RNF212: variants seen among roughly 807,000 people sequenced by gnomAD.
RNF212 encodes the protein probable E3 SUMO-protein ligase RNF212.
RNF212 carries 33 observed loss-of-function variants against 34.7 expected under a neutral mutation model. That is an observed-to-expected ratio of 0.95 (90% CI 0.72 to 1.27). The LOEUF is 1.27. RNF212 is among the 50% of genes most tolerant of loss of function. The pLI is 0.00. For synonymous variants in RNF212, 140 were observed against 136.1 expected, an observed-to-expected ratio of 1.03 and a Z score of -0.20; for missense variants, 377 against 362.2, an observed-to-expected ratio of 1.04 and a Z score of -0.33.
chr4:1,065,147 T>C (rs962316259), intron 3 of RNF212, among the ~76,000 whole-genome samples: 1 of 152,208 alleles, frequency 6.6e-6, no homozygotes, highest in African/African-American at 2.4e-5. Context: ...TCCTTTTGAG[T>C]ACTGAATTGA....
At chr4:1,056,852 T>TG in intron 4 of RNF212, 1 of 987,928 alleles carries the variant, frequency 1.0e-6, no homozygotes, top group Non-Finnish European at 1.2e-6. Context: ...ACACTGCCTC[T>TG]GCAGCAGGCT....
chr4:1,092,821 G>T (rs982093793), intron 3 of RNF212, among the ~76,000 whole-genome samples: 1 of 152,240 alleles, frequency 6.6e-6, no homozygotes, highest in Non-Finnish European at 1.5e-5. Context: ...GAGAGTCAAG[G>T]CAGTCGGGGG....
Position 1,073,005 on chromosome 4 carries a change from T to C in RNF212, c.763A>G (p.Ile255Val), listed in dbSNP as rs1373972385. The change falls in exon 10 of 10, where the codon ATA becomes GTA. Residue 255 changes from isoleucine (I) to valine (V), a missense_variant. By Grantham distance (29) the Ile-to-Val change is conservative (BLOSUM62 3). Coordinates refer to ENST00000433731, the MANE Select transcript of RNF212 (RefSeq NM_001131034.4). Reference sequence around the variant, plus strand: ...ACGGCCCTTTGTACCTCAGCATATATTGGAAGTGTTTTAGAGTTGGTGAGT... The same window carrying C: ...ACGGCCCTTTGTACCTCAGCATATACTGGAAGTGTTTTAGAGTTGGTGAGT... Reference protein sequence around the residue: ...GELTNSKTLPIYAEVQRAVLF... With the variant: ...GELTNSKTLPVYAEVQRAVLF... 1.2e-6 allele frequency: 2 copies of C among 1,614,136 alleles called. No individual in the cohort carries two copies. The highest frequency in any genetic ancestry group is 1.7e-5 in the Admixed American group (1 of 60,016).
chr4:1,073,802 A>G, intron 8 of RNF212, 140 bp from the exon 9 acceptor site: 1 of 667,204 alleles, frequency 1.5e-6, no homozygotes, highest in South Asian at 1.7e-5. Context: ...GTTCCTGTCT[A>G]ACTTGATTCT....
rs371784705 is a variant in RNF212, at chr4:1,086,142, T to C, written c.304-188A>G. Among the ~76,000 whole-genome samples, 73 of 152,292 alleles carry C rather than the reference T, an allele frequency of 4.8e-4. 1 individual carries two copies. In the South Asian group the frequency reaches 0.011, roughly 23 times the overall value. On this transcript the variant is annotated intron_variant, in intron 4 of 9. Transcript: ENST00000433731. ...CTTAGGAAATCGGCCTTGGGGGCCA[T>C]GCAGAGCGAAGTCAAACCCAAGCCC...
intron 4 of RNF212, among the ~76,000 whole-genome samples, chr4:1,089,016 A>G (rs1256897241): frequency 6.6e-6 from 1 of 152,212 alleles, no homozygotes; most frequent in Non-Finnish European, 1.5e-5. Context: ...CAGAAGGGAA[A>G]TGTGCGGTGG....
intron 3 of RNF212, chr4:1,093,626 T>C: frequency 6.5e-7 from 1 of 1,535,808 alleles, no homozygotes; most frequent in Non-Finnish European, 8.7e-7. Flanking sequence ...CTGCTGGGTC[T>C]TCTCTCCTGA....
At chr4:1,107,072 G>A (rs1269300108) in intron 2 of RNF212, among the ~76,000 whole-genome samples, 1 of 148,802 alleles carries the variant, frequency 6.7e-6, no homozygotes, top group East Asian at 2.0e-4. Context: ...TTTTTTTTTA[G>A]ACTGAGTCTT....
At chr4:1,073,794 T>A (rs1718816430) in intron 8 of RNF212, 132 bp from the exon 9 acceptor site, 1 of 681,114 alleles carries the variant, frequency 1.5e-6, no homozygotes, top group African/African-American at 1.8e-5. Context: ...TCTGACAAGT[T>A]CCTGTCTAAC....
At chr4:1,066,920 T>A (rs1256121766), downstream of RNF212, among the ~76,000 whole-genome samples, 1 of 152,232 alleles carries the variant, frequency 6.6e-6, no homozygotes, top group African/African-American at 2.4e-5. Flanking sequence ...AAAAGAGTTT[T>A]ATATTTTTTA....
intron 4 of RNF212, 138 bp from the exon 5 acceptor site, chr4:1,086,092 T>C: frequency 1.4e-6 from 1 of 695,692 alleles, no homozygotes; most frequent in Non-Finnish European, 2.6e-6. Context: ...GGAGTAAATC[T>C]GCCTGGAGTT....
chr4:1,112,840 C>T lies in RNF212; in HGVS notation c.109+516G>A, dbSNP rs1195492012. Among the ~76,000 whole-genome samples the T allele has an allele frequency of 3.5e-5, 3 of 86,888 alleles. No individual in the cohort carries two copies. The East Asian group carries it at 1.3e-3, about 37-fold the overall frequency. 57.0% of individuals were successfully genotyped at this position (86,888 alleles called of 152,430 possible). On this transcript the variant is annotated intron_variant, in intron 1 of 9. Coordinates refer to ENST00000433731, the MANE Select transcript of RNF212 (RefSeq NM_001131034.4). ...TTCCCCCCCAAGCCTTGACCCCCCA[C>T]ATCCCCCACCTTGCCCCCCTCCTCT...
At chr4:1,066,793 A>T (rs948476409), downstream of RNF212, among the ~76,000 whole-genome samples, 6 of 152,150 alleles carry the variant, frequency 3.9e-5, no homozygotes, top group Non-Finnish European at 7.4e-5. Flanking sequence ...GGAAAAATTT[A>T]AAATTTTCAT....
Position 1,078,962 on chromosome 4 carries a change from A to G in RNF212, c.510+681T>C, listed in dbSNP as rs940020095. ...GTCAACACAGGACCAACACAGGACC[A>G]ACATAGGACCAACACAGGGTCAACA... On this transcript the variant is annotated intron_variant, in intron 8 of 9. Coordinates refer to ENST00000433731, the MANE Select transcript of RNF212 (RefSeq NM_001131034.4). 2.6e-5 allele frequency among the ~76,000 whole-genome samples: 4 copies of G among 151,670 alleles called. No individual in the cohort carries two copies. In the East Asian group the frequency reaches 7.8e-4, roughly 30 times the overall value.
chr4:1,098,154 C>T (rs1723353595), intron 2 of RNF212, among the ~76,000 whole-genome samples: 1 of 150,926 alleles, frequency 6.6e-6, no homozygotes, highest in Non-Finnish European at 1.5e-5. Flanking sequence ...CTCATGCCTC[C>T]TCCCATTCTG....
downstream of RNF212, among the ~76,000 whole-genome samples, chr4:1,069,598 A>T (rs964995064): frequency 1.2e-4 from 18 of 152,196 alleles, no homozygotes; most frequent in African/African-American, 7.2e-5. Flanking sequence ...AGTGAAGAGG[A>T]ATCAATCAGG....
chr4:1,103,580 C>T lies in RNF212; in HGVS notation c.171+4763G>A, dbSNP rs186740173. Among the ~76,000 whole-genome samples the T allele has an allele frequency of 2.1e-3, 312 of 151,894 alleles. 5 individuals are homozygous for T. The highest frequency in any genetic ancestry group is 6.0e-4 in the Non-Finnish European group (41 of 67,970). On this transcript the variant is annotated intron_variant, in intron 2 of 9. Coordinates refer to ENST00000433731, the MANE Select transcript of RNF212 (RefSeq NM_001131034.4). ...AGTTGAATTTGTTCCTAGAATCTAACGTGGGTTTCAAATTCTAAAAATAAA... is the reference window on the plus strand; with the variant it reads ...AGTTGAATTTGTTCCTAGAATCTAATGTGGGTTTCAAATTCTAAAAATAAA...
intron 5 of RNF212, among the ~76,000 whole-genome samples, chr4:1,083,815 T>A (rs1358302398): frequency 6.6e-6 from 1 of 152,064 alleles, no homozygotes; most frequent in Admixed American, 6.5e-5. Flanking sequence ...TGGCTGGGGA[T>A]GCAGAGGGTA....
chr4:1,086,019 A>G (rs1373559096), intron 4 of RNF212, 65 bp from the exon 5 acceptor site: 4 of 1,202,690 alleles, frequency 3.3e-6, no homozygotes, highest in African/African-American at 3.0e-5. Context: ...TGACCCTCTA[A>G]ATTTCTTAAA....
Sources: gnomAD v4.1 joint callset for allele counts (sites outside exome capture counted in the v4.1 genomes callset) on GRCh38, gnomAD v4.1.1 for gene constraint, MANE v1.5 for transcripts, NCBI Gene and HGNC (gene_info 2026-07-23, HGNC 2026-07-21) for gene names.